OR56A3: variants seen among roughly 807,000 people sequenced by gnomAD.
OR56A3 encodes olfactory receptor 56A3.
In OR56A3, 23 loss-of-function variants were observed where a neutral mutation model predicts 17.5. The ratio of observed to expected loss-of-function variants is 1.32; its 90% CI spans 0.95 to 1.87. The LOEUF (loss-of-function observed/expected upper bound fraction) is 1.87. Among genes scored for constraint, OR56A3 ranks in the 40% most tolerant of loss-of-function variants. The pLI is 0.00. For missense variants in OR56A3, 366 were observed against 380.1 expected (o/e 0.96, Z 0.31); for synonymous variants, 175 against 150.6 (o/e 1.16, Z -1.19).
At chr11:6,000,520 G>A in the OR56A3 span, 1 of 152,152 alleles carries the variant, frequency 6.6e-6, no homozygotes, top group African/African-American at 2.4e-5. Context: ...GTTAAATGAC[G>A]AGTTAATGGG....
the OR56A3 span, chr11:5,986,809 C>G: frequency 6.2e-7 from 1 of 1,614,050 alleles, no homozygotes; most frequent in Non-Finnish European, 8.5e-7. Context: ...CCAGTGCTGG[C>G]TTTCCTCTAA....
the OR56A3 span, among the ~76,000 whole-genome samples, chr11:5,963,301 C>A: frequency 1.3e-5 from 2 of 151,938 alleles, no homozygotes; most frequent in African/African-American, 4.8e-5. Context: ...TTTCTTTATT[C>A]ATGTATGTGT....
chr11:5,961,534 A>C, the OR56A3 span, among the ~76,000 whole-genome samples: 29,132 of 152,072 alleles, frequency 0.19, 3,059 homozygotes, highest in Non-Finnish European at 0.24. Flanking sequence ...TTTGTTAAAC[A>C]GATGCTTGAA....
At chr11:5,960,050 AC>A in the OR56A3 span, among the ~76,000 whole-genome samples, 24 of 152,084 alleles carry the variant, frequency 1.6e-4, no homozygotes, top group Non-Finnish European at 3.4e-4. Context: ...CCAGTACCGT[AC>A]TGTTTTGATT....
Position 5,951,104 on chromosome 11 carries a change from T to G in OR56A3, c.*2810T>G, listed in dbSNP as rs1490217860. On this transcript the variant is annotated 3_prime_UTR_variant, in exon 3 of 3. Transcript: ENST00000641160. ...ATCTTGGAAACCAAGGTGAGAAGAT[T>G]TATTTTTAAAAGAAGTTTTAGTTAC... is the stretch of plus-strand genomic sequence containing the variant. 1 of 152,076 alleles carries G rather than the reference T, an allele frequency of 6.6e-6. No homozygotes were observed. The highest frequency in any genetic ancestry group is 1.5e-5 in the Non-Finnish European group (1 of 67,962). The allele number at this position is 152,076 out of a possible 1,614,324, so 9.4% of individuals were successfully genotyped here. A position where few individuals can be genotyped will look rare whatever the true frequency, so the allele number is the denominator to read the frequency against.
At position 5,950,167 on chromosome 11, in the gene OR56A3, T is replaced by C. The variant is rs1170464232; in HGVS notation, c.*1873T>C. 2 of 152,194 alleles carry C rather than the reference T, an allele frequency of 1.3e-5. No homozygotes were observed. Among genetic ancestry groups the C allele is most frequent in the African/African-American group, 4.8e-5 (2 of 41,448 alleles). 9.4% of individuals were successfully genotyped at this position (152,194 alleles called of 1,614,324 possible). A position where few individuals can be genotyped will look rare whatever the true frequency, so the allele number is the denominator to read the frequency against. On this transcript the variant is annotated 3_prime_UTR_variant, in exon 3 of 3. Coordinates refer to ENST00000641160, the MANE Select transcript of OR56A3 (RefSeq NM_001003443.3). ...TTTAACAATATGCTATATTAACATA[T>C]ACTTATCAAAACACCAAAACTTTGA...
At chr11:5,968,620 T>C in the OR56A3 span, 3 of 709,802 alleles carry the variant, frequency 4.2e-6, no homozygotes, top group African/African-American at 3.6e-5. Context: ...ATGTATGAGA[T>C]ACAGATGACC....
At chr11:5,973,622 T>TC in the OR56A3 span, among the ~76,000 whole-genome samples, 6 of 152,200 alleles carry the variant, frequency 3.9e-5, no homozygotes, top group African/African-American at 1.4e-4. Context: ...GATTTTTTTT[T>TC]CCTTCACCTC....
At chr11:5,967,701 T>C in the OR56A3 span, 7 of 1,613,336 alleles carry the variant, frequency 4.3e-6, no homozygotes, top group Admixed American at 1.0e-4. Flanking sequence ...CCTGGCCAGG[T>C]TAGTGATGAC....
the OR56A3 span, chr11:6,019,722 G>A: frequency 2.0e-5 from 3 of 152,070 alleles, no homozygotes; most frequent in East Asian, 5.8e-4. Flanking sequence ...CAATATGTCA[G>A]GCAACAGCAT....
the OR56A3 span, among the ~76,000 whole-genome samples, chr11:5,985,101 T>C: frequency 2.0e-5 from 3 of 152,256 alleles, no homozygotes; most frequent in Admixed American, 2.0e-4. Context: ...TAACTGCTAC[T>C]ATACTTATTG....
At chr11:5,957,988 G>C in the OR56A3 span, among the ~76,000 whole-genome samples, 1 of 152,088 alleles carries the variant, frequency 6.6e-6, no homozygotes, top group Non-Finnish European at 1.5e-5. Context: ...ATTTTTGTGT[G>C]TTTCAAGAGA....
Position 5,948,606 on chromosome 11 carries a change from G to A in OR56A3, c.*312G>A, listed in dbSNP as rs1242221556. ...CTGAACACACAACTCAATATGTCAT[G>A]AATTTTGTATCATTAAAAATACAAC... is the stretch of plus-strand genomic sequence containing the variant. On this transcript the variant is annotated 3_prime_UTR_variant, in exon 3 of 3. Transcript: ENST00000641160. 3.7e-6 allele frequency: 1 copy of A among 270,454 alleles called. No homozygotes were observed. The highest frequency in any genetic ancestry group is 4.7e-5 in the Admixed American group (1 of 21,162). The allele number at this position is 270,454 out of a possible 1,614,324, so 16.8% of individuals were successfully genotyped here. A position where few individuals can be genotyped will look rare whatever the true frequency, so the allele number is the denominator to read the frequency against.
chr11:5,980,396 G>C, the OR56A3 span, among the ~76,000 whole-genome samples: 2 of 148,558 alleles, frequency 1.3e-5, no homozygotes, highest in African/African-American at 4.9e-5. Flanking sequence ...GGATAGTTGA[G>C]TCTTCTCGAT....
At chr11:5,994,627 C>A in the OR56A3 span, 2 of 781,360 alleles carry the variant, frequency 2.6e-6, no homozygotes, top group Admixed American at 3.4e-5. Context: ...GGATTTCGCT[C>A]TTCACAGACT....
intron 1 of OR56A3, among the ~76,000 whole-genome samples, chr11:5,942,598 C>T (rs919547530): frequency 6.6e-6 from 1 of 152,186 alleles, no homozygotes; most frequent in Non-Finnish European, 1.5e-5. Context: ...CTACCAGTGT[C>T]TGAATTATAA....
chr11:6,002,074 G>A, the OR56A3 span: 1 of 1,596,660 alleles, frequency 6.3e-7, no homozygotes, highest in Non-Finnish European at 8.5e-7. Flanking sequence ...AGCAGGTTTT[G>A]GATTCCCTGC....
the OR56A3 span, among the ~76,000 whole-genome samples, chr11:5,956,826 C>T: frequency 2.0e-5 from 3 of 152,260 alleles, no homozygotes; most frequent in South Asian, 2.1e-4. Context: ...CATATTTCTA[C>T]ACACTTCCAA....
At chr11:6,003,742 G>A in the OR56A3 span, among the ~76,000 whole-genome samples, 1 of 152,126 alleles carries the variant, frequency 6.6e-6, no homozygotes, top group Non-Finnish European at 1.5e-5. Flanking sequence ...ACAACGTTGT[G>A]TGAAATGATG....
Sources: allele counts gnomAD v4.1 joint callset (sites outside exome capture counted in the v4.1 genomes callset), GRCh38; gene constraint gnomAD v4.1.1; transcripts MANE v1.5; gene names NCBI Gene and HGNC (gene_info 2026-07-23, HGNC 2026-07-21).